Variants in CACNG8 observed in about 807,000 individuals in gnomAD.
CACNG8 encodes the protein calcium voltage-gated channel auxiliary subunit gamma 8.
Under a neutral mutation model 26.9 loss-of-function variants are expected in CACNG8, and 5 were observed. That is an observed-to-expected ratio of 0.19 (90% confidence interval 0.10 to 0.39). CACNG8 has a LOEUF of 0.39. CACNG8 is among the 10% of genes least tolerant of loss of function. The pLI, the probability that CACNG8 is intolerant of heterozygous loss-of-function variation, is 1.00. For missense variants in CACNG8, 473 were observed against 609.4 expected (o/e 0.78, Z 2.36); for synonymous variants, 321 against 296.7 (o/e 1.08, Z -0.84).
Position 53,986,906 on chromosome 19 carries a change from G to A in CACNG8, c.*4057G>A, listed in dbSNP as rs2069411305. The A allele has an allele frequency of 6.6e-6, 1 of 152,262 alleles. No homozygotes were observed. The highest frequency in any genetic ancestry group is 1.5e-5 in the Non-Finnish European group (1 of 68,142). 9.4% of individuals were successfully genotyped at this position (152,262 alleles called of 1,614,324 possible). On this transcript the variant is annotated 3_prime_UTR_variant, in exon 4 of 4. Coordinates refer to ENST00000270458, the MANE Select transcript of CACNG8 (RefSeq NM_031895.6). ...AGAAAAGTAGCAGGTCTTCGAGGAG[G>A]CCTGTGCGGTGAGCAGATCCACCAT...
rs2042177 is a variant in CACNG8 at position 53,984,126 on chromosome 19, T to A, written c.*1277T>A. On this transcript the variant is annotated 3_prime_UTR_variant, in exon 4 of 4. Transcript: ENST00000270458. ...TAATTACACAGATGCTGAAGCATAG[T>A]CATGGTGTCTGGTGTGCAGGAGAAA... The A allele has an allele frequency of 0.65, 99,524 of 152,106 alleles. 32,660 individuals are homozygous for A. The highest frequency in any genetic ancestry group is 0.81 in the East Asian group (4,161 of 5,156). 9.4% of individuals were successfully genotyped at this position (152,106 alleles called of 1,614,324 possible). A position where few individuals can be genotyped will look rare whatever the true frequency, so the allele number is the denominator to read the frequency against.
rs745578890 is a variant in CACNG8 at position 53,963,477 on chromosome 19, C to A, written c.283+52C>A. On this transcript the variant is annotated intron_variant, in intron 1 of 3. Coordinates refer to ENST00000270458, the MANE Select transcript of CACNG8 (RefSeq NM_031895.6). ...GCCCCCGCCGCTCCCCTCCGAGAGA[C>A]CCTGAGCCTCCCGGGGCTGCCTGTC... 3.0e-5 allele frequency: 43 copies of A among 1,410,856 alleles called. No individual in the cohort carries two copies. The Admixed American group carries it at 1.3e-3, about 41-fold the overall frequency. 87.4% of individuals were successfully genotyped at this position (1,410,856 alleles called of 1,614,324 possible). A position where few individuals can be genotyped will look rare whatever the true frequency, so the allele number is the denominator to read the frequency against.
chr19:53,965,483 C>T (rs2069267292), intron 1 of CACNG8, among the ~76,000 whole-genome samples: 1 of 151,840 alleles, frequency 6.6e-6, no homozygotes, highest in South Asian at 2.1e-4. Flanking sequence ...TGACCAAGTA[C>T]CAGGCATAGA....
chr19:53,981,986 G>A (rs2043205846), intron 3 of CACNG8, 94 bp from the exon 4 acceptor site: 1 of 1,345,736 alleles, frequency 7.4e-7, no homozygotes, highest in Non-Finnish European at 9.6e-7. Context: ...GGTGGCGCCT[G>A]GGCCCGCTGG....
intron 2 of CACNG8, 81 bp from the exon 3 acceptor site, chr19:53,979,786 G>A (rs2069352964): frequency 1.4e-6 from 2 of 1,436,296 alleles, no homozygotes; most frequent in Non-Finnish European, 1.9e-6. Flanking sequence ...GCCGCGAGAT[G>A]GGGGGCCGGG....
rs1302727516 is a variant in CACNG8, at chr19:53,963,287, G to A, written c.145G>A (p.Ala49Thr). Residue 49 changes from alanine (A) to threonine (T), a missense_variant, in exon 1 of 4, where the codon GCC becomes ACC. By Grantham distance (58) the Ala-to-Thr change is moderately conservative. This residue lies in a region of CACNG8 where 69 missense variants were observed against 66.7 expected (regional missense o/e 1.03). Coordinates refer to ENST00000270458, the MANE Select transcript of CACNG8 (RefSeq NM_031895.6). ...CACTGACTACTGGCTCTACACGCGC[G>A]CCCTCATCTGCAACACCACCAACCT... The A allele has an allele frequency of 2.5e-6, 4 of 1,608,540 alleles. No individual in the cohort carries two copies. The highest frequency in any genetic ancestry group is 1.3e-5 in the African/African-American group (1 of 74,624).
At chr19:53,974,833 G>T (rs895444500) in intron 1 of CACNG8, among the ~76,000 whole-genome samples, 2 of 150,964 alleles carry the variant, frequency 1.3e-5, no homozygotes, top group African/African-American at 4.9e-5. Flanking sequence ...GTAGAGACAG[G>T]GTTTCACCAT....
At chr19:53,978,310 G>A (rs2069342292) in intron 2 of CACNG8, 81 bp downstream of exon 2, 1 of 1,093,880 alleles carries the variant, frequency 9.1e-7, no homozygotes, top group Non-Finnish European at 1.4e-6. Flanking sequence ...GCCGGGAAAA[G>A]GCACTGGGAC....
At position 53,974,262 on chromosome 19, in the gene CACNG8, C is replaced by A. The variant is rs578024281; in HGVS notation, c.284-3884C>A. Among the ~76,000 whole-genome samples, 4 of 152,258 alleles carry A rather than the reference C, an allele frequency of 2.6e-5. No homozygotes were observed. The South Asian group carries it at 6.2e-4, about 24-fold the overall frequency. On this transcript the variant is annotated intron_variant, in intron 1 of 3. Transcript: ENST00000270458. ...TGAGTATAATGTCTTCAAGGTTTAT[C>A]TATGTTTATAGCATGTATCAGAATT... is the stretch of plus-strand genomic sequence containing the variant.
intron 1 of CACNG8, among the ~76,000 whole-genome samples, chr19:53,972,360 T>TG (rs1411985889): frequency 8.7e-6 from 1 of 115,336 alleles, no homozygotes; most frequent in Non-Finnish European, 1.8e-5. Context: ...TTTCTTCTTT[T>TG]CTTTTTTTTT....
In CACNG8 at chr19:53,982,268, G is replaced by A. The variant is rs750396252; in HGVS notation, c.697G>A (p.Glu233Lys). 5 of 1,612,190 alleles carry A rather than the reference G, an allele frequency of 3.1e-6. No individual in the cohort carries two copies. The South Asian group carries it at 4.4e-5, about 14-fold the overall frequency. ...CAACATCTACATCGAGCGCAGCCGCGAGGCGCACTGCCAGTCTCGCTCGGA... is the reference window on the plus strand; with the variant it reads ...CAACATCTACATCGAGCGCAGCCGCAAGGCGCACTGCCAGTCTCGCTCGGA... Residue 233 changes from glutamate (E) to lysine (K), a missense_variant, in exon 4 of 4, where the codon GAG (glutamate) becomes AAG (lysine). Physicochemically the swap from Glu to Lys is moderately conservative, Grantham distance 56. This residue lies in a region of CACNG8 where 155 missense variants were observed against 253.0 expected (regional missense o/e 0.61). Transcript: ENST00000270458. This position sits in a 1 kb window ranked among gnomAD's most constrained non-coding sequence, Gnocchi z 8.4.
intron 1 of CACNG8, among the ~76,000 whole-genome samples, chr19:53,971,184 C>T (rs2069300609): frequency 6.8e-6 from 1 of 148,136 alleles, no homozygotes; most frequent in South Asian, 2.1e-4. Flanking sequence ...TCCAGCTACT[C>T]GGGAGGCTGA....
rs1337226105 is a variant in CACNG8, at chr19:53,985,416, G to A, written c.*2567G>A. ...GGAAGAGAGAGACTGAAGGTCCCTA[G>A]GAAGAATTCTGCCAAGGCGGTTTCA... On this transcript the variant is annotated 3_prime_UTR_variant, in exon 4 of 4. Transcript: ENST00000270458. 4 of 152,332 alleles carry A rather than the reference G, an allele frequency of 2.6e-5. No individual in the cohort carries two copies. The highest frequency in any genetic ancestry group is 2.0e-4 in the Admixed American group (3 of 15,266). 9.4% of individuals were successfully genotyped at this position (152,332 alleles called of 1,614,324 possible). A position where few individuals can be genotyped will look rare whatever the true frequency, so the allele number is the denominator to read the frequency against.
rs1450198304 is a variant in CACNG8, at chr19:53,982,177, C to T, written c.606C>T (p.Tyr202=). The T allele has an allele frequency of 1.9e-6, 3 of 1,613,256 alleles. No homozygotes were observed. Among genetic ancestry groups the T allele is most frequent in the East Asian group, 4.5e-5 (2 of 44,862 alleles). ...AGGAGAAGAAAAACCACTACTCGTA[C>T]GGCTGGTCCTTCTACTTCGGCGGGC... is the stretch of plus-strand genomic sequence containing the variant. Residue 202 remains tyrosine, a synonymous_variant, in exon 4 of 4, where the codon TAC becomes TAT. Transcript: ENST00000270458. This position sits in a 1 kb window ranked among gnomAD's most constrained non-coding sequence, Gnocchi z 8.4.
intron 1 of CACNG8, among the ~76,000 whole-genome samples, chr19:53,971,478 A>G (rs2069302340): frequency 6.6e-6 from 1 of 152,142 alleles, no homozygotes; most frequent in East Asian, 1.9e-4. Context: ...AACCCAGTAA[A>G]TATTTTACCC....
chr19:53,980,994 G>A (rs979792277), intron 3 of CACNG8, among the ~76,000 whole-genome samples: 1 of 151,864 alleles, frequency 6.6e-6, no homozygotes, highest in Non-Finnish European at 1.5e-5. Flanking sequence ...CCTGAGACCG[G>A]CAAGGACCCG....
At chr19:53,976,704 G>A (rs753384540) in intron 1 of CACNG8, among the ~76,000 whole-genome samples, 6 of 150,246 alleles carry the variant, frequency 4.0e-5, no homozygotes, top group African/African-American at 7.4e-5. Context: ...ACGGAGTCTC[G>A]CTTTGTCACC....
intron 1 of CACNG8, among the ~76,000 whole-genome samples, chr19:53,964,088 T>C (rs189077004): frequency 6.6e-6 from 1 of 152,202 alleles, no homozygotes; most frequent in Non-Finnish European, 1.5e-5. Flanking sequence ...CATGAGCCAC[T>C]GCACCCAGCA....
chr19:53,968,691 C>T (rs954355651), intron 1 of CACNG8, among the ~76,000 whole-genome samples: 2 of 145,618 alleles, frequency 1.4e-5, no homozygotes, highest in East Asian at 2.2e-4. Flanking sequence ...TCCCTTTAAC[C>T]CTGGAGGTGG....
Sources: gnomAD v4.1 joint callset for allele counts (sites outside exome capture counted in the v4.1 genomes callset) on GRCh38, gnomAD v4.1.1 for gene constraint, gnomAD v4.1.1 regional missense constraint, Gnocchi (gnomAD v3.1) non-coding constraint, MANE v1.5 for transcripts, NCBI Gene and HGNC (gene_info 2026-07-23, HGNC 2026-07-21) for gene names.